ATP10A: variants seen among roughly 807,000 people sequenced by gnomAD.
ATP10A encodes the protein phospholipid-transporting ATPase VA.
Under a neutral mutation model 147.8 loss-of-function variants are expected in ATP10A, and 111 were observed. The observed-to-expected ratio is 0.75, with a 90% CI of 0.64 to 0.88. ATP10A has a LOEUF of 0.88. Ranked by LOEUF, ATP10A falls within the 40% of genes least tolerant of loss-of-function variation. ATP10A has a pLI of 0.00. For synonymous variants in ATP10A, 875 were observed against 841.6 expected, an observed-to-expected ratio of 1.04 and a Z score of -0.69; for missense variants, 1,927 against 1,959.0, an observed-to-expected ratio of 0.98 and a Z score of 0.31.
At chr15:25,797,527 C>G (rs1890732648) in intron 1 of ATP10A, among the ~76,000 whole-genome samples, 1 of 151,424 alleles carries the variant, frequency 6.6e-6, no homozygotes, top group Admixed American at 6.6e-5. Context: ...CCATTTTGTG[C>G]TAGGTTTTCT....
At chr15:25,727,932 C>G (rs7178019) in intron 3 of ATP10A, among the ~76,000 whole-genome samples, 4 of 152,140 alleles carry the variant, frequency 2.6e-5, no homozygotes, top group African/African-American at 9.7e-5. Flanking sequence ...GGGCTAGGAC[C>G]GCCCTGGGAC....
At position 25,733,232 on chromosome 15, in the gene ATP10A, G is replaced by T. The variant is rs1887049516; in HGVS notation, c.740+2824C>A. Among the ~76,000 whole-genome samples the T allele has an allele frequency of 2.0e-5, 3 of 152,114 alleles. 1 individual carries two copies. In the South Asian group the frequency reaches 6.2e-4, roughly 31 times the overall value. On this transcript the variant is annotated intron_variant, in intron 3 of 20. Transcript: ENST00000555815. The stretch of plus-strand genomic sequence containing the variant: ...AGGCCAGTGGGAGGAAGCAAACCAG[G>T]GAGGTGGCTCTGCAGCTGAGCCACT...
chr15:25,783,693 C>T (rs1596879475), intron 1 of ATP10A, among the ~76,000 whole-genome samples: 1 of 152,334 alleles, frequency 6.6e-6, no homozygotes, highest in South Asian at 2.1e-4. Flanking sequence ...AAAACAAATG[C>T]AAGGCAAGCT....
chr15:25,828,411 A>G (rs2140862561), intron 1 of ATP10A, among the ~76,000 whole-genome samples: 1 of 152,356 alleles, frequency 6.6e-6, no homozygotes, highest in East Asian at 1.9e-4. Context: ...AACAAAACTC[A>G]GTAAGTTTAA....
At chr15:25,741,904 C>T (rs1411949350) in intron 2 of ATP10A, among the ~76,000 whole-genome samples, 2 of 152,086 alleles carry the variant, frequency 1.3e-5, no homozygotes, top group Admixed American at 6.5e-5. Context: ...CAAGAAACAC[C>T]GAACGTACAA....
chr15:25,828,534 A>G (rs968860352), intron 1 of ATP10A, among the ~76,000 whole-genome samples: 1 of 152,240 alleles, frequency 6.6e-6, no homozygotes. Context: ...TCCACTCTTA[A>G]ATAACCAATG....
At chr15:25,817,317 G>T (rs1891704349) in intron 1 of ATP10A, among the ~76,000 whole-genome samples, 1 of 151,942 alleles carries the variant, frequency 6.6e-6, no homozygotes, top group Non-Finnish European at 1.5e-5. Context: ...TCCTAACTTT[G>T]GGTGATCCTC....
intron 14 of ATP10A, among the ~76,000 whole-genome samples, chr15:25,692,773 T>A (rs1596693654): frequency 6.6e-6 from 1 of 152,166 alleles, no homozygotes; most frequent in African/African-American, 2.4e-5. Flanking sequence ...GTAGGTCACA[T>A]TGATGCTTTA....
chr15:25,787,310 A>G (rs1033717280), intron 1 of ATP10A, among the ~76,000 whole-genome samples: 3 of 152,164 alleles, frequency 2.0e-5, no homozygotes, highest in Non-Finnish European at 4.4e-5. Flanking sequence ...ATAAAATATC[A>G]CTAAGCTTGA....
intron 14 of ATP10A, among the ~76,000 whole-genome samples, chr15:25,692,310 G>A (rs928715356): frequency 1.5e-4 from 23 of 152,148 alleles, no homozygotes; most frequent in African/African-American, 5.3e-4. Context: ...GTGCAATAAA[G>A]GAGAACTTCT....
At chr15:25,756,677 G>C (rs12904961) in intron 2 of ATP10A, among the ~76,000 whole-genome samples, 120,549 of 152,040 alleles carry the variant, frequency 0.79, 48,339 homozygotes, top group Non-Finnish European at 0.86. Context: ...AGAAAGAAAA[G>C]TGAGTGCTTA....
chr15:25,765,471 C>T (rs1201163765), intron 2 of ATP10A, among the ~76,000 whole-genome samples: 1 of 152,184 alleles, frequency 6.6e-6, no homozygotes, highest in Non-Finnish European at 1.5e-5. Flanking sequence ...GCGTTCCCAC[C>T]CACATTCCAG....
intron 1 of ATP10A, among the ~76,000 whole-genome samples, chr15:25,803,728 C>G (rs1223209333): frequency 6.6e-6 from 1 of 152,190 alleles, no homozygotes; most frequent in Non-Finnish European, 1.5e-5. Context: ...TGGAACTGAA[C>G]AGTGGATTCA....
intron 1 of ATP10A, among the ~76,000 whole-genome samples, chr15:25,791,033 C>CT (rs76166077): frequency 0.031 from 4,603 of 150,912 alleles, 162 homozygotes; most frequent in East Asian, 0.15. Context: ...TCTCCAGGCC[C>CT]TTTTTTCTGC....
chr15:25,684,571 G>C (rs1899612137), intron 16 of ATP10A, among the ~76,000 whole-genome samples: 1 of 152,312 alleles, frequency 6.6e-6, no homozygotes, highest in Middle Eastern at 3.4e-3. Flanking sequence ...CCCACATACA[G>C]AGAGGGAACT....
chr15:25,719,027 T>G (rs1424035257), intron 7 of ATP10A, among the ~76,000 whole-genome samples: 1 of 152,170 alleles, frequency 6.6e-6, no homozygotes, highest in East Asian at 1.9e-4. Context: ...GCAAATCCCC[T>G]TTAGAGGTGC....
chr15:25,767,881 C>T (rs572466284), intron 2 of ATP10A, among the ~76,000 whole-genome samples: 166 of 152,346 alleles, frequency 1.1e-3, no homozygotes, highest in African/African-American at 3.7e-3. Context: ...GGGACCCTTG[C>T]GGGCCCTCTG....
intron 1 of ATP10A, among the ~76,000 whole-genome samples, chr15:25,816,508 G>C (rs1323371061): frequency 6.6e-6 from 1 of 152,184 alleles, no homozygotes; most frequent in Non-Finnish European, 1.5e-5. Flanking sequence ...GATGGGTACA[G>C]TAAAAATATG....
chr15:25,829,299 T>A (rs903371647), intron 1 of ATP10A, among the ~76,000 whole-genome samples: 1 of 152,144 alleles, frequency 6.6e-6, no homozygotes, highest in Non-Finnish European at 1.5e-5. Context: ...AGCACCCAGA[T>A]CAGTGACTTT....
Sources: gnomAD v4.1 joint callset for allele counts (sites outside exome capture counted in the v4.1 genomes callset) on GRCh38, gnomAD v4.1.1 for gene constraint, MANE v1.5 for transcripts, NCBI Gene and HGNC (gene_info 2026-07-23, HGNC 2026-07-21) for gene names.